DOCK4: variants seen among roughly 807,000 people sequenced by gnomAD.
DOCK4 encodes the protein dedicator of cytokinesis protein 4.
DOCK4 carries 97 observed loss-of-function variants against 268.1 expected under a neutral mutation model. That is an observed-to-expected ratio of 0.36 (90% confidence interval 0.31 to 0.43). DOCK4 has a LOEUF of 0.43. DOCK4 is among the 20% of genes least tolerant of loss of function. The probability of loss-of-function intolerance (pLI) is 1.00; values close to 1 mark genes in which losing one functional copy is unlikely to be tolerated. For synonymous variants in DOCK4, 954 were observed against 887.2 expected (o/e 1.08, Z -1.34); for missense variants, 2,145 against 2,455.7 (o/e 0.87, Z 2.67).
chr7:112,055,608 G>C (rs1805741371), intron 1 of DOCK4, among the ~76,000 whole-genome samples: 1 of 152,062 alleles, frequency 6.6e-6, no homozygotes, highest in Non-Finnish European at 1.5e-5. Context: ...AGATAGAATT[G>C]GCTTTAAACT....
At chr7:111,899,909 G>A (rs1790996622) in intron 15 of DOCK4, among the ~76,000 whole-genome samples, 1 of 152,234 alleles carries the variant, frequency 6.6e-6, no homozygotes, top group Admixed American at 6.5e-5. Flanking sequence ...GGGCAACAGA[G>A]TGAGGCTTTG....
chr7:111,951,523 A>AAT (rs769515035), intron 8 of DOCK4, among the ~76,000 whole-genome samples: 1 of 151,944 alleles, frequency 6.6e-6, no homozygotes, highest in Non-Finnish European at 1.5e-5. Flanking sequence ...AGCACCAAAG[A>AAT]AGGCATGGTA....
chr7:111,986,587 T>G (rs573408168), intron 6 of DOCK4, among the ~76,000 whole-genome samples: 58 of 152,128 alleles, frequency 3.8e-4, no homozygotes, highest in African/African-American at 1.3e-3. Context: ...AGCGTCATGT[T>G]TTCTATCAAC....
Position 111,869,567 on chromosome 7 carries a change from T to C in DOCK4, c.2109+7A>G. On this transcript the variant is annotated splice_region_variant and intron_variant, in intron 21 of 52. Transcript: ENST00000428084. ...AGACTCTGCTGTTATCAACAGCATGTTATCACCTTCAGCACCTCCTGGATA... is the reference window on the plus strand; with the variant it reads ...AGACTCTGCTGTTATCAACAGCATGCTATCACCTTCAGCACCTCCTGGATA... 1.9e-6 allele frequency: 3 copies of C among 1,613,022 alleles called. No individual in the cohort carries two copies. The highest frequency in any genetic ancestry group is 2.5e-6 in the Non-Finnish European group (3 of 1,179,160).
At position 111,735,140 on chromosome 7, in the gene DOCK4, C is replaced by T; in HGVS notation, c.5333G>A (p.Ser1778Asn). The change falls in exon 51 of 53, where the codon AGC becomes AAC. Residue 1778 changes from serine to asparagine, a missense_variant. Coordinates refer to ENST00000428084, the MANE Select transcript of DOCK4 (RefSeq NM_001363540.2). ...CTTGGCTTCCTTCCCACTGTCCAGG[C>T]TCCAGCTGCTAGGGGTGGGGTTCAC... is the stretch of plus-strand genomic sequence containing the variant. ...KAVNPTPSSW[S>N]LDSGKEAKNM... 6.3e-7 allele frequency: 1 copy of T among 1,595,320 alleles called. No individual in the cohort carries two copies. The highest frequency in any genetic ancestry group is 2.3e-5 in the East Asian group (1 of 44,390).
Position 111,984,107 on chromosome 7 carries a change from G to A in DOCK4, c.549+199C>T, listed in dbSNP as rs1397469721. ...GTGCCTGGGCGTTGAGGGCCCACTG[G>A]AGAGTATCATGTTATTCTTAGACAG... On this transcript the variant is annotated intron_variant, in intron 7 of 52. Transcript: ENST00000428084. Among the ~76,000 whole-genome samples the A allele has an allele frequency of 3.9e-5, 6 of 152,260 alleles. No individual in the cohort carries two copies. In the East Asian group the frequency reaches 9.7e-4, roughly 25 times the overall value.
At chr7:112,169,642 T>C (rs542106986) in intron 1 of DOCK4, among the ~76,000 whole-genome samples, 17 of 152,314 alleles carry the variant, frequency 1.1e-4, no homozygotes, top group Admixed American at 8.5e-4. Flanking sequence ...CTGTCGACCA[T>C]CCAAGGCCTT....
intron 1 of DOCK4, among the ~76,000 whole-genome samples, chr7:112,198,114 A>C (rs181538946): frequency 1.2e-3 from 176 of 152,206 alleles, no homozygotes; most frequent in African/African-American, 3.8e-3. Flanking sequence ...TGTAATCCTC[A>C]ATGTGATGGT....
chr7:112,122,462 G>C (rs1196333330), intron 1 of DOCK4, among the ~76,000 whole-genome samples: 2 of 151,960 alleles, frequency 1.3e-5, no homozygotes, highest in East Asian at 3.9e-4. Flanking sequence ...ATACAGATGG[G>C]GTCTTCTTGT....
rs1586442112 is a variant in DOCK4, at chr7:111,940,338, T to C, written c.845-96A>G. The C allele has an allele frequency of 3.9e-6, 6 of 1,533,522 alleles. No homozygotes were observed. The East Asian group carries it at 1.4e-4, about 35-fold the overall frequency. 95.0% of individuals were successfully genotyped at this position (1,533,522 alleles called of 1,614,324 possible). On this transcript the variant is annotated intron_variant, in intron 10 of 52. Transcript: ENST00000428084. ...ACAGCTATAAGATAGGCCATTGAAA[T>C]GTAATTGGGCAATAAAGAGCACCCA...
chr7:111,977,849 G>A (rs1037543232), intron 7 of DOCK4, among the ~76,000 whole-genome samples: 1 of 152,154 alleles, frequency 6.6e-6, no homozygotes, highest in Non-Finnish European at 1.5e-5. Flanking sequence ...TTGCTGTGGC[G>A]CTATAGGGAG....
chr7:112,193,734 C>CT (rs1333265929), intron 1 of DOCK4, among the ~76,000 whole-genome samples: 1 of 152,062 alleles, frequency 6.6e-6, no homozygotes, highest in East Asian at 1.9e-4. Context: ...CCTGCTTCTA[C>CT]TTTTTTTATA....
intron 1 of DOCK4, among the ~76,000 whole-genome samples, chr7:112,167,523 T>C (rs1817708313): frequency 6.6e-6 from 1 of 152,206 alleles, no homozygotes; most frequent in African/African-American, 2.4e-5. Flanking sequence ...ACATTAGGAA[T>C]TCCGCCTATT....
intron 1 of DOCK4, among the ~76,000 whole-genome samples, chr7:112,066,714 T>TATAC (rs1322429637): frequency 1.1e-5 from 1 of 90,554 alleles, no homozygotes; most frequent in Non-Finnish European, 2.3e-5. Flanking sequence ...TATATATATA[T>TATAC]ATATATATAT....
At chr7:112,096,091 C>A (rs183881408) in intron 1 of DOCK4, among the ~76,000 whole-genome samples, 42 of 152,052 alleles carry the variant, frequency 2.8e-4, no homozygotes, top group Non-Finnish European at 3.8e-4. Context: ...AACTTTGTCT[C>A]GTAATAAATA....
At chr7:111,969,431 A>G (rs1258979499) in intron 8 of DOCK4, among the ~76,000 whole-genome samples, 1 of 133,754 alleles carries the variant, frequency 7.5e-6, no homozygotes, top group Non-Finnish European at 1.5e-5. Flanking sequence ...CATTTTTTCT[A>G]TTAAAAAAAC....
intron 1 of DOCK4, among the ~76,000 whole-genome samples, chr7:112,183,633 CA>C (rs1161613069): frequency 6.6e-6 from 1 of 152,162 alleles, no homozygotes; most frequent in Non-Finnish European, 1.5e-5. Flanking sequence ...CAACAAATGC[CA>C]GGAGGGCTGT....
chr7:112,197,970 G>GAAAAAAAAAAAAAAAA lies in DOCK4; in HGVS notation c.37+8116_37+8131dup, dbSNP rs10525534. 1.3e-3 allele frequency among the ~76,000 whole-genome samples: 141 copies of GAAAAAAAAAAAAAAAA among 111,038 alleles called. 1 individual carries two copies. Among genetic ancestry groups the GAAAAAAAAAAAAAAAA allele is most frequent in the African/African-American group, 4.8e-3 (135 of 27,892 alleles). The allele number at this position is 111,038 out of a possible 152,430, so 72.8% of individuals were successfully genotyped here. A position where few individuals can be genotyped will look rare whatever the true frequency, so the allele number is the denominator to read the frequency against. On this transcript the variant is annotated intron_variant, in intron 1 of 52. Coordinates refer to ENST00000428084, the MANE Select transcript of DOCK4 (RefSeq NM_001363540.2). ...ATCTTACATAAGCCTGACCTGCCTA[G>GAAAAAAAAAAAAAAAA]AAAAAAAAAAAAAAAAAAAAAGTTG...
intron 43 of DOCK4, among the ~76,000 whole-genome samples, chr7:111,746,910 T>A (rs1796314299): frequency 6.7e-6 from 1 of 149,228 alleles, no homozygotes; most frequent in South Asian, 2.1e-4. Context: ...ATTACAGGTG[T>A]GAGCCACTGA....
Sources: gnomAD v4.1 joint callset for allele counts (sites outside exome capture counted in the v4.1 genomes callset) on GRCh38, gnomAD v4.1.1 for gene constraint, MANE v1.5 for transcripts, NCBI Gene and HGNC (gene_info 2026-07-23, HGNC 2026-07-21) for gene names.